LRRC4C: variants seen among roughly 807,000 people sequenced by gnomAD.
The protein encoded by LRRC4C is leucine-rich repeat-containing protein 4C.
A neutral mutation model predicts 33.6 loss-of-function variants in LRRC4C; 5 were observed. The observed-to-expected ratio is 0.15, with a 90% confidence interval of 0.08 to 0.31. The LOEUF (loss-of-function observed/expected upper bound fraction) is 0.31, where lower values mean the gene tolerates loss of function less well. LRRC4C is among the 10% of genes least tolerant of loss of function. LRRC4C has a pLI of 1.00. For synonymous variants in LRRC4C, 329 were observed against 302.0 expected, an observed-to-expected ratio of 1.09 and a Z score of -0.93; for missense variants, 560 against 796.7, an observed-to-expected ratio of 0.70 and a Z score of 3.58.
chr11:40,911,716 GAGA>G (rs1202022720), intron 2 of LRRC4C, among the ~76,000 whole-genome samples: 3 of 152,208 alleles, frequency 2.0e-5, no homozygotes, highest in African/African-American at 4.8e-5. Context: ...TATGAGTTGA[GAGA>G]AGAAGGCTTC....
In LRRC4C at chr11:40,277,292, T is replaced by C. The variant is rs536399166; in HGVS notation, c.-175-35694A>G. 3.9e-5 allele frequency among the ~76,000 whole-genome samples: 6 copies of C among 152,242 alleles called. No individual in the cohort carries two copies. The East Asian group carries it at 1.2e-3, about 29-fold the overall frequency. ...ACAGTAAGGCCTCCTTAAAGACCCCTGTGGTTTATTTGTGGCAATCTCAAA... is the reference window on the plus strand; with the variant it reads ...ACAGTAAGGCCTCCTTAAAGACCCCCGTGGTTTATTTGTGGCAATCTCAAA... On this transcript the variant is annotated intron_variant, in intron 4 of 6. Coordinates refer to ENST00000528697, the MANE Select transcript of LRRC4C (RefSeq NM_001258419.2).
At chr11:41,052,385 GT>G (rs1482083594) in intron 1 of LRRC4C, among the ~76,000 whole-genome samples, 1 of 151,712 alleles carries the variant, frequency 6.6e-6, no homozygotes, top group Admixed American at 6.6e-5. Flanking sequence ...ATCCAAACTT[GT>G]CATCTACATA....
At chr11:40,819,702 T>C (rs1435946689) in intron 2 of LRRC4C, among the ~76,000 whole-genome samples, 2 of 147,444 alleles carry the variant, frequency 1.4e-5, no homozygotes, top group Non-Finnish European at 3.0e-5. Context: ...CAGCAGAAAA[T>C]AAATGCCAGG....
At chr11:41,186,959 G>A (rs754014362) in intron 1 of LRRC4C, among the ~76,000 whole-genome samples, 8 of 152,060 alleles carry the variant, frequency 5.3e-5, no homozygotes, top group Non-Finnish European at 1.0e-4. Context: ...GATAATTCTG[G>A]AAGAACCCTG....
intron 2 of LRRC4C, among the ~76,000 whole-genome samples, chr11:40,770,184 T>C (rs1230457739): frequency 2.0e-5 from 3 of 152,178 alleles, no homozygotes. Context: ...TTAATTGACT[T>C]GCAGTTTCAC....
At chr11:41,021,403 A>C (rs1855977208) in intron 1 of LRRC4C, among the ~76,000 whole-genome samples, 1 of 152,076 alleles carries the variant, frequency 6.6e-6, no homozygotes, top group Non-Finnish European at 1.5e-5. Flanking sequence ...GAACAAAATT[A>C]ACAAAAAACC....
intron 3 of LRRC4C, among the ~76,000 whole-genome samples, chr11:40,615,265 T>TATATATATATACAC (rs1490740198): frequency 1.7e-4 from 9 of 53,436 alleles, no homozygotes; most frequent in Admixed American, 4.9e-4. Context: ...TATATATATA[T>TATATATATATACAC]ACACACACAC....
At chr11:40,197,492 G>C (rs971458035) in intron 5 of LRRC4C, among the ~76,000 whole-genome samples, 1 of 152,098 alleles carries the variant, frequency 6.6e-6, no homozygotes, top group East Asian at 1.9e-4. Context: ...CTGAGTTGAG[G>C]GCCTTACAGC....
intron 5 of LRRC4C, among the ~76,000 whole-genome samples, chr11:40,207,905 G>T (rs1863276906): frequency 6.6e-6 from 1 of 152,094 alleles, no homozygotes; most frequent in Non-Finnish European, 1.5e-5. Context: ...GCAGTCAGAG[G>T]TACAGAGCCT....
chr11:40,505,053 A>C (rs756425246), intron 3 of LRRC4C, among the ~76,000 whole-genome samples: 1 of 151,820 alleles, frequency 6.6e-6, no homozygotes, highest in Non-Finnish European at 1.5e-5. Context: ...TCTCCTTCAT[A>C]CTCTCTTACC....
At chr11:40,868,027 C>A (rs1308497713) in intron 2 of LRRC4C, among the ~76,000 whole-genome samples, 1 of 152,076 alleles carries the variant, frequency 6.6e-6, no homozygotes, top group Non-Finnish European at 1.5e-5. Flanking sequence ...AAAAAGAGAG[C>A]TAGGGAGGGC....
chr11:41,239,247 A>G (rs1228630605), intron 1 of LRRC4C, among the ~76,000 whole-genome samples: 1 of 146,726 alleles, frequency 6.8e-6, no homozygotes, highest in Non-Finnish European at 1.5e-5. Flanking sequence ...GCATGAACCC[A>G]AGAGGCGGAG....
chr11:40,892,371 A>C (rs1193564593), intron 2 of LRRC4C, among the ~76,000 whole-genome samples: 2 of 152,238 alleles, frequency 1.3e-5, no homozygotes, highest in East Asian at 1.9e-4. Flanking sequence ...ACATATGCAC[A>C]ATGGAGTACT....
chr11:40,418,130 A>C (rs1424140776), intron 3 of LRRC4C, among the ~76,000 whole-genome samples: 2 of 152,196 alleles, frequency 1.3e-5, no homozygotes, highest in African/African-American at 4.8e-5. Context: ...TGTGATCAAG[A>C]AAGGTGGGAC....
intron 1 of LRRC4C, among the ~76,000 whole-genome samples, chr11:41,392,044 AT>A (rs1418180157): frequency 1.3e-5 from 2 of 151,920 alleles, no homozygotes; most frequent in East Asian, 3.9e-4. Context: ...GGTAGTCAGA[AT>A]TAAGTACTCA....
chr11:41,002,528 T>C (rs901569536), intron 1 of LRRC4C, among the ~76,000 whole-genome samples: 1 of 152,204 alleles, frequency 6.6e-6, no homozygotes, highest in Non-Finnish European at 1.5e-5. Context: ...CTGTTTTTGC[T>C]ACCAACTTTA....
At chr11:40,412,753 C>T (rs1364498463) in intron 3 of LRRC4C, among the ~76,000 whole-genome samples, 4 of 152,008 alleles carry the variant, frequency 2.6e-5, no homozygotes, top group East Asian at 1.9e-4. Flanking sequence ...TGCCTCCACC[C>T]CTGACTTATT....
In LRRC4C at chr11:40,653,135, G is replaced by T. The variant is rs557885793; in HGVS notation, c.-406-4857C>A. On this transcript the variant is annotated intron_variant, in intron 2 of 6. Transcript: ENST00000528697. ...AGCCTCAGGCAGTTCTTCATAGCAG[G>T]CTGAGAATGTACTAATATAGTTAGT... Among the ~76,000 whole-genome samples, 8 of 152,290 alleles carry T rather than the reference G, an allele frequency of 5.3e-5. No individual in the cohort carries two copies. In the South Asian group the frequency reaches 1.7e-3, roughly 32 times the overall value.
At chr11:40,867,601 T>C (rs1954432395) in intron 2 of LRRC4C, among the ~76,000 whole-genome samples, 1 of 152,194 alleles carries the variant, frequency 6.6e-6, no homozygotes, top group Admixed American at 6.5e-5. Flanking sequence ...TGTATTTGTG[T>C]AGAGCTCATT....
Sources: allele counts gnomAD v4.1 joint callset (sites outside exome capture counted in the v4.1 genomes callset), GRCh38; gene constraint gnomAD v4.1.1; transcripts MANE v1.5; gene names NCBI Gene and HGNC (gene_info 2026-07-23, HGNC 2026-07-21).